MAGI2: variants seen among roughly 807,000 people sequenced by gnomAD.
MAGI2 encodes membrane associated guanylate kinase, WW and PDZ domain containing 2.
MAGI2 carries 35 observed loss-of-function variants against 133.3 expected under a neutral mutation model. The ratio of observed to expected loss-of-function variants is 0.26; its 90% CI spans 0.20 to 0.35. MAGI2 has a LOEUF of 0.35. Ranked by LOEUF, MAGI2 falls within the 10% of genes least tolerant of loss-of-function variation. The probability of loss-of-function intolerance (pLI) is 1.00; values close to 1 mark genes in which losing one functional copy is unlikely to be tolerated. For synonymous variants in MAGI2, 729 were observed against 710.6 expected, an observed-to-expected ratio of 1.03 and a Z score of -0.41; for missense variants, 1,636 against 1,863.4, an observed-to-expected ratio of 0.88 and a Z score of 2.25.
intron 1 of MAGI2, among the ~76,000 whole-genome samples, chr7:79,211,102 T>C (rs764482105): frequency 9.9e-5 from 15 of 152,062 alleles, no homozygotes; most frequent in Non-Finnish European, 2.1e-4. Context: ...ATTCATGATA[T>C]GTGAAGTGGG....
intron 1 of MAGI2, among the ~76,000 whole-genome samples, chr7:79,340,670 T>C (rs902756080): frequency 6.6e-6 from 1 of 152,134 alleles, no homozygotes; most frequent in African/African-American, 2.4e-5. Context: ...GAAGAGTTGT[T>C]TTTTCCTAGA....
chr7:79,315,384 A>T (rs1226971113), intron 1 of MAGI2, among the ~76,000 whole-genome samples: 1 of 141,630 alleles, frequency 7.1e-6, no homozygotes, highest in Admixed American at 7.3e-5. Flanking sequence ...CACATTGGCC[A>T]GGTTGGTCTT....
intron 10 of MAGI2, among the ~76,000 whole-genome samples, chr7:78,210,782 G>C (rs1787694406): frequency 1.3e-5 from 2 of 152,184 alleles, no homozygotes; most frequent in Admixed American, 1.3e-4. Context: ...AAAGCTTCAA[G>C]AAGTAGTAGA....
At chr7:79,326,168 A>T (rs1267982425) in intron 1 of MAGI2, among the ~76,000 whole-genome samples, 1 of 139,974 alleles carries the variant, frequency 7.1e-6, no homozygotes, top group Non-Finnish European at 1.5e-5. Flanking sequence ...TCCTTCAAAG[A>T]TGGTGAACAA....
intron 6 of MAGI2, among the ~76,000 whole-genome samples, chr7:78,463,577 A>G (rs762578931): frequency 3.2e-4 from 49 of 152,326 alleles, no homozygotes; most frequent in Admixed American, 5.2e-4. Flanking sequence ...ATCTGGGAGT[A>G]GATGCTACCA....
At chr7:78,143,349 A>G (rs1310053392) in intron 16 of MAGI2, among the ~76,000 whole-genome samples, 1 of 152,206 alleles carries the variant, frequency 6.6e-6, no homozygotes, top group East Asian at 1.9e-4. Context: ...TTGGTATTAT[A>G]CTTCCATCCC....
chr7:79,100,026 T>C (rs977606373), intron 1 of MAGI2, among the ~76,000 whole-genome samples: 2 of 152,222 alleles, frequency 1.3e-5, no homozygotes, highest in East Asian at 1.9e-4. Flanking sequence ...TTATAGTGTA[T>C]GTGCTGTTTT....
rs1793868615 is a variant in MAGI2, at chr7:78,371,173, C to T, written c.1046-1960G>A. On this transcript the variant is annotated intron_variant, in intron 6 of 21. Transcript: ENST00000354212. ...CTCTCCAGATGGTTTTCACCAAATC[C>T]CCCAAGCTATTGGCAAATTCATCTA... Among the ~76,000 whole-genome samples the T allele has an allele frequency of 3.3e-5, 5 of 151,932 alleles. No homozygotes were observed. The South Asian group carries it at 1.0e-3, about 32-fold the overall frequency.
chr7:78,073,063 G>A (rs1322522892), intron 21 of MAGI2: 1 of 397,374 alleles, frequency 2.5e-6, no homozygotes, highest in Non-Finnish European at 4.4e-6. Flanking sequence ...ATTGTTGTAA[G>A]TCATTTTAAC....
intron 1 of MAGI2, among the ~76,000 whole-genome samples, chr7:79,207,099 T>G (rs1829120966): frequency 6.6e-6 from 1 of 151,838 alleles, no homozygotes. Flanking sequence ...CATGACAAAC[T>G]CACAGCTAAC....
chr7:78,385,224 G>T (rs1795271809), intron 6 of MAGI2, among the ~76,000 whole-genome samples: 1 of 152,156 alleles, frequency 6.6e-6, no homozygotes, highest in South Asian at 2.1e-4. Context: ...AGTACTGATT[G>T]TCAACGTGAT....
At chr7:78,708,049 G>A (rs927386624) in intron 2 of MAGI2, among the ~76,000 whole-genome samples, 8 of 152,048 alleles carry the variant, frequency 5.3e-5, no homozygotes, top group Middle Eastern at 3.4e-3. Context: ...TAATATATTG[G>A]TATATCTTAC....
Position 78,501,803 on chromosome 7 carries a change from A to G in MAGI2, c.755-16T>C. On this transcript the variant is annotated splice_polypyrimidine_tract_variant and intron_variant, in intron 4 of 21. Coordinates refer to ENST00000354212, the MANE Select transcript of MAGI2 (RefSeq NM_012301.4). ...TCACTGGATTCTATAAGAGAACAAG[A>G]GCACGTGGTTAGTCACTCCAACCAT... 2 of 1,606,492 alleles carry G rather than the reference A, an allele frequency of 1.2e-6. No homozygotes were observed. Among genetic ancestry groups the G allele is most frequent in the South Asian group, 1.1e-5 (1 of 90,854 alleles).
chr7:78,697,937 A>G (rs1455194204), intron 2 of MAGI2, among the ~76,000 whole-genome samples: 1 of 152,166 alleles, frequency 6.6e-6, no homozygotes, highest in South Asian at 2.1e-4. Context: ...AAGATTGTTA[A>G]AGGATTTTCT....
chr7:78,459,352 G>A (rs894471896), intron 6 of MAGI2, among the ~76,000 whole-genome samples: 1 of 152,178 alleles, frequency 6.6e-6, no homozygotes, highest in African/African-American at 2.4e-5. Flanking sequence ...AGAGAGTCTT[G>A]AGCAAAAGGT....
chr7:78,926,473 A>C (rs1320303173), intron 2 of MAGI2, among the ~76,000 whole-genome samples: 1 of 152,042 alleles, frequency 6.6e-6, no homozygotes, highest in Non-Finnish European at 1.5e-5. Context: ...AATTGCCTGT[A>C]GTTGCCTCCA....
intron 2 of MAGI2, among the ~76,000 whole-genome samples, chr7:78,791,248 T>C (rs1044394792): frequency 5.3e-5 from 8 of 152,182 alleles, no homozygotes; most frequent in Non-Finnish European, 1.0e-4. Context: ...AAGTTTAACT[T>C]AACTAATAAA....
intron 6 of MAGI2, chr7:78,486,825 C>T (rs142791379): frequency 2.4e-5 from 11 of 458,848 alleles, no homozygotes; most frequent in Middle Eastern, 4.3e-4. Flanking sequence ...AAATTGCTGT[C>T]CCTGAGCTCG....
At chr7:78,611,733 T>C (rs1368600470) in intron 3 of MAGI2, among the ~76,000 whole-genome samples, 1 of 152,212 alleles carries the variant, frequency 6.6e-6, no homozygotes. Context: ...CACTCACCTC[T>C]GAACAGTGCA....
Sources: allele counts gnomAD v4.1 joint callset (sites outside exome capture counted in the v4.1 genomes callset), GRCh38; gene constraint gnomAD v4.1.1; transcripts MANE v1.5; gene names NCBI Gene and HGNC (gene_info 2026-07-23, HGNC 2026-07-21).